The following TTC39B variants were observed in gnomAD, a reference collection of about 807,000 sequenced individuals.
The protein encoded by TTC39B is tetratricopeptide repeat protein 39B.
TTC39B carries 92 observed loss-of-function variants against 96.6 expected under a neutral mutation model. That is an observed-to-expected ratio of 0.95 (90% CI 0.80 to 1.13). The LOEUF is 1.13. Among genes scored for constraint, TTC39B ranks in the 50% most tolerant of loss-of-function variants. The pLI, the probability that TTC39B is intolerant of heterozygous loss-of-function variation, is 0.00. For synonymous variants in TTC39B, 367 were observed against 299.4 expected, an observed-to-expected ratio of 1.23 and a Z score of -2.33; for missense variants, 955 against 809.3, an observed-to-expected ratio of 1.18 and a Z score of -2.18.
Position 15,202,661 on chromosome 9 carries a change from G to A in TTC39B, c.759+1162C>T, listed in dbSNP as rs185099977. 1.9e-4 allele frequency among the ~76,000 whole-genome samples: 28 copies of A among 151,268 alleles called. No individual in the cohort carries two copies. The East Asian group carries it at 2.3e-3, about 13-fold the overall frequency. On this transcript the variant is annotated intron_variant, in intron 7 of 19. Coordinates refer to ENST00000512701, the Ensembl canonical transcript of TTC39B. ...CAGGAGGCAGACGTTGCAGTGAGCC[G>A]AGATCATGCCACTGTACTCCAGCCT... is the stretch of plus-strand genomic sequence containing the variant.
intron 1 of TTC39B, among the ~76,000 whole-genome samples, chr9:15,289,855 G>C (rs1455095662): frequency 2.0e-5 from 3 of 152,090 alleles, no homozygotes; most frequent in African/African-American, 7.2e-5. Flanking sequence ...TCATCCATAT[G>C]AACTACATAT....
chr9:15,210,614 G>C (rs1326645155), intron 5 of TTC39B, among the ~76,000 whole-genome samples: 1 of 152,080 alleles, frequency 6.6e-6, no homozygotes, highest in East Asian at 1.9e-4. Flanking sequence ...TAGTCCTATG[G>C]GGGGCACATC....
In TTC39B at chr9:15,277,184, T is replaced by C. The variant is rs529242042; in HGVS notation, c.241-9236A>G. On this transcript the variant is annotated intron_variant, in intron 1 of 19. Coordinates refer to ENST00000512701, the Ensembl canonical transcript of TTC39B. ...TGGCTCATGCCTGAAATCCCAGCAC[T>C]TTGGGAGGCAGAGGCGGGTGGATCA... Among the ~76,000 whole-genome samples the C allele has an allele frequency of 3.3e-5, 5 of 152,252 alleles. No homozygotes were observed. In the South Asian group the frequency reaches 1.0e-3, roughly 32 times the overall value.
chr9:15,200,855 C>T (rs987777689), intron 7 of TTC39B, among the ~76,000 whole-genome samples: 11 of 152,104 alleles, frequency 7.2e-5, no homozygotes, highest in African/African-American at 2.7e-4. Context: ...AGAAAGTAGC[C>T]GGGCATGGTG....
chr9:15,188,238 A>C (rs931386893), intron 13 of TTC39B, 106 bp from the exon 14 acceptor site: 3 of 1,093,228 alleles, frequency 2.7e-6, no homozygotes, highest in Non-Finnish European at 3.9e-6. Flanking sequence ...CAAAATTATC[A>C]CTCATTAAAC....
chr9:15,208,058 A>G (rs1819978267), intron 6 of TTC39B, among the ~76,000 whole-genome samples: 1 of 149,968 alleles, frequency 6.7e-6, no homozygotes, highest in South Asian at 2.2e-4. Context: ...GAGACAGAGT[A>G]TTACTCTGTC....
chr9:15,283,521 T>C (rs1823844583), intron 1 of TTC39B, among the ~76,000 whole-genome samples: 1 of 150,656 alleles, frequency 6.6e-6, no homozygotes. Context: ...TTCCTTTTCA[T>C]GCCAGGAGAA....
intron 2 of TTC39B, among the ~76,000 whole-genome samples, chr9:15,264,430 G>C (rs961434287): frequency 6.6e-6 from 1 of 152,088 alleles, no homozygotes; most frequent in Non-Finnish European, 1.5e-5. Context: ...AAGGCAGGTG[G>C]ATCACCTGAG....
intron 2 of TTC39B, among the ~76,000 whole-genome samples, chr9:15,264,998 C>T (rs1178403733): frequency 3.3e-5 from 5 of 151,778 alleles, no homozygotes; most frequent in Non-Finnish European, 1.5e-5. Context: ...AGCCCCCAAA[C>T]AGTGTGTTAT....
intron 2 of TTC39B, among the ~76,000 whole-genome samples, chr9:15,239,778 T>G (rs1273436285): frequency 6.6e-6 from 1 of 152,012 alleles, no homozygotes; most frequent in Admixed American, 6.6e-5. Context: ...AGGATGGAGG[T>G]GAAGGTTGAA....
At chr9:15,234,155 G>A (rs1181704429) in intron 2 of TTC39B, among the ~76,000 whole-genome samples, 10 of 145,056 alleles carry the variant, frequency 6.9e-5, no homozygotes, top group Non-Finnish European at 1.1e-4. Context: ...CCCTCTGCCC[G>A]GCAGCCGCCC....
chr9:15,193,786 C>A (rs1347044209), intron 8 of TTC39B, among the ~76,000 whole-genome samples: 1 of 152,158 alleles, frequency 6.6e-6, no homozygotes, highest in Non-Finnish European at 1.5e-5. Context: ...GCCATAGAGT[C>A]ATAATCTGAA....
At chr9:15,183,495 A>T (rs1818356588) in intron 16 of TTC39B, 1 of 344,936 alleles carries the variant, frequency 2.9e-6, no homozygotes, top group Non-Finnish European at 5.6e-6. Flanking sequence ...CAGTACTAAC[A>T]TTTCAAGCCA....
chr9:15,221,908 C>T (rs1162233238), intron 3 of TTC39B, among the ~76,000 whole-genome samples: 1 of 152,024 alleles, frequency 6.6e-6, no homozygotes. Flanking sequence ...TTTACATTGC[C>T]CAATATGTCT....
At chr9:15,218,635 A>AAAAAAAAAAAAATAT (rs374054306) in intron 3 of TTC39B, among the ~76,000 whole-genome samples, 22 of 149,530 alleles carry the variant, frequency 1.5e-4, no homozygotes, top group Middle Eastern at 3.5e-3. Context: ...GTCTATTTTA[A>AAAAAAAAAAAAATAT]ATATATATAT....
intron 1 of TTC39B, among the ~76,000 whole-genome samples, chr9:15,270,741 C>T (rs962064436): frequency 2.6e-5 from 3 of 114,814 alleles, no homozygotes; most frequent in African/African-American, 1.1e-4. Flanking sequence ...TATCTAATAA[C>T]TTTTTTATTT....
intron 3 of TTC39B, among the ~76,000 whole-genome samples, chr9:15,219,163 T>C (rs1314227359): frequency 6.6e-6 from 1 of 152,266 alleles, no homozygotes; most frequent in African/African-American, 2.4e-5. Flanking sequence ...CAACTCACTT[T>C]ACCTCTGTAA....
At chr9:15,307,176 C>G in exon 1 of TTC39B, 2 of 1,592,228 alleles carry the variant, frequency 1.3e-6, no homozygotes, top group Middle Eastern at 1.7e-4. Flanking sequence ...AACTCAGAGC[C>G]GACTCCTGCT....
At chr9:15,280,189 T>C (rs60536263) in intron 1 of TTC39B, among the ~76,000 whole-genome samples, 27,078 of 152,094 alleles carry the variant, frequency 0.18, 3,261 homozygotes, top group African/African-American at 0.34. Flanking sequence ...TGAGCCACCG[T>C]GCCCGGCCTG....
Sources: gnomAD v4.1 joint callset for allele counts (sites outside exome capture counted in the v4.1 genomes callset) on GRCh38, gnomAD v4.1.1 for gene constraint, MANE v1.5 for transcripts, NCBI Gene and HGNC (gene_info 2026-07-23, HGNC 2026-07-21) for gene names.